The following THADA variants were observed in gnomAD, a reference collection of about 807,000 sequenced individuals.
THADA encodes THADA armadillo repeat containing.
Under a neutral mutation model 219.8 loss-of-function variants are expected in THADA, and 213 were observed. The ratio of observed to expected loss-of-function variants is 0.97; its 90% CI spans 0.87 to 1.09. The LOEUF (loss-of-function observed/expected upper bound fraction) is 1.09. Among genes scored for constraint, THADA ranks in the 50% least tolerant of loss-of-function variants. THADA has a pLI of 0.00. For synonymous variants in THADA, 1,018 were observed against 828.9 expected (o/e 1.23, Z -3.92); for missense variants, 2,956 against 2,311.3 (o/e 1.28, Z -5.72).
intron 21 of THADA, among the ~76,000 whole-genome samples, chr2:43,532,231 G>A (rs1693972781): frequency 6.6e-6 from 1 of 151,830 alleles, no homozygotes; most frequent in South Asian, 2.1e-4. Context: ...GGACAACACA[G>A]TAAAACCCCC....
chr2:43,278,091 C>T (rs145471010), intron 36 of THADA, among the ~76,000 whole-genome samples: 2,162 of 151,814 alleles, frequency 0.014, 19 homozygotes, highest in Non-Finnish European at 0.023. Flanking sequence ...GCTGGGATTA[C>T]GGGTGCCCGC....
intron 26 of THADA, among the ~76,000 whole-genome samples, chr2:43,450,767 A>C (rs1682212422): frequency 6.6e-6 from 1 of 152,230 alleles, no homozygotes; most frequent in Non-Finnish European, 1.5e-5. Flanking sequence ...CAAATAGATT[A>C]AAAGTAAAAT....
chr2:43,245,769 C>G (rs11690590), intron 36 of THADA, among the ~76,000 whole-genome samples: 10,731 of 152,250 alleles, frequency 0.07, 463 homozygotes, highest in South Asian at 0.19. Context: ...GACTGCTTGG[C>G]TCCCAAAACA....
chr2:43,371,820 C>A (rs779446126), intron 29 of THADA: 1 of 151,910 alleles, frequency 6.6e-6, no homozygotes, highest in African/African-American at 2.4e-5. Flanking sequence ...TTAGAGGGTC[C>A]GCTATTTCCC....
chr2:43,427,503 T>TTGTGTGTGTGTGTGTGTGTG (rs70963397), intron 28 of THADA, among the ~76,000 whole-genome samples: 138 of 140,626 alleles, frequency 9.8e-4, no homozygotes, highest in South Asian at 1.7e-3. Context: ...CTCCCAAAGT[T>TTGTGTGTGTGTGTGTGTGTG]TGTGTGTGTG....
At chr2:43,584,037 T>TAAAAAAAAAAAAAAAAAAA (rs536050936) in intron 7 of THADA, among the ~76,000 whole-genome samples, 11 of 65,586 alleles carry the variant, frequency 1.7e-4, no homozygotes, top group East Asian at 4.0e-4. Flanking sequence ...TTGTCTCAAT[T>TAAAAAAAAAAAAAAAAAAA]AAAAAAAAAA....
At chr2:43,358,561 A>G (rs1482571337) in intron 29 of THADA, among the ~76,000 whole-genome samples, 1 of 152,232 alleles carries the variant, frequency 6.6e-6, no homozygotes, top group East Asian at 1.9e-4. Context: ...AAAGAAATGT[A>G]AAGTTATATT....
At chr2:43,542,637 T>C (rs963981991) in intron 20 of THADA, among the ~76,000 whole-genome samples, 1 of 152,200 alleles carries the variant, frequency 6.6e-6, no homozygotes, top group Non-Finnish European at 1.5e-5. Flanking sequence ...CTAATAAGGT[T>C]TGTTTCCTTT....
At chr2:43,247,075 G>A (rs758508969) in intron 36 of THADA, among the ~76,000 whole-genome samples, 1 of 152,200 alleles carries the variant, frequency 6.6e-6, no homozygotes, top group Admixed American at 6.5e-5. Context: ...GAGCATTTGA[G>A]TCTTAAGGGT....
intron 26 of THADA, among the ~76,000 whole-genome samples, chr2:43,477,735 A>T (rs1408832495): frequency 3.3e-5 from 5 of 152,252 alleles, no homozygotes; most frequent in Admixed American, 3.3e-4. Context: ...ATAGTCTCAG[A>T]ACCTACTACA....
chr2:43,312,857 G>C (rs188626926), intron 31 of THADA, among the ~76,000 whole-genome samples: 29 of 151,730 alleles, frequency 1.9e-4, no homozygotes, highest in Non-Finnish European at 3.5e-4. Context: ...CACCAACTGT[G>C]TCATATTAAA....
chr2:43,248,044 A>G (rs374871617), intron 36 of THADA, among the ~76,000 whole-genome samples: 1 of 147,788 alleles, frequency 6.8e-6, no homozygotes, highest in South Asian at 2.1e-4. Context: ...CCCTATCTTA[A>G]AGCAAAACAA....
At chr2:43,306,920 T>A (rs939753918) in intron 31 of THADA, among the ~76,000 whole-genome samples, 1 of 152,196 alleles carries the variant, frequency 6.6e-6, no homozygotes, top group Non-Finnish European at 1.5e-5. Flanking sequence ...CTTTTTCTTG[T>A]AATGTGACTA....
intron 21 of THADA, among the ~76,000 whole-genome samples, chr2:43,530,950 G>A (rs534520610): frequency 1.4e-4 from 21 of 152,188 alleles, no homozygotes; most frequent in South Asian, 2.1e-4. Flanking sequence ...AATAATTTCC[G>A]AATAAACCCA....
intron 22 of THADA, among the ~76,000 whole-genome samples, chr2:43,522,715 G>A (rs947041089): frequency 6.6e-6 from 1 of 152,208 alleles, no homozygotes; most frequent in Admixed American, 6.5e-5. Flanking sequence ...TATTACAGTA[G>A]GCTTAAAAAT....
In THADA at chr2:43,541,165, C is replaced by T; in HGVS notation, c.3258G>A (p.Val1086=). The change falls in exon 21 of 38, where the codon GTG becomes GTA. Residue 1086 remains valine, a synonymous_variant. Coordinates refer to ENST00000405975, the MANE Select transcript of THADA (RefSeq NM_022065.5). ...VPESSDGLLT[V]EQVKEIGDYF... The stretch of plus-strand genomic sequence containing the variant: ...GAATAAACATGTGCCTTACCTGCTC[C>T]ACCGTCAATAATCCATCAGAAGATT... 1.3e-6 allele frequency: 2 copies of T among 1,568,636 alleles called. No homozygotes were observed.
intron 34 of THADA, among the ~76,000 whole-genome samples, chr2:43,288,046 C>T (rs1435667219): frequency 2.0e-5 from 3 of 152,234 alleles, no homozygotes; most frequent in Non-Finnish European, 2.9e-5. Context: ...GGTGACTCAA[C>T]ACTGTCAAGA....
At chr2:43,297,949 T>G (rs1187847031) in intron 31 of THADA, among the ~76,000 whole-genome samples, 6 of 68,710 alleles carry the variant, frequency 8.7e-5, no homozygotes, top group African/African-American at 9.6e-5. Context: ...GGGAGGGAGG[T>G]GGGGGGGTCA....
intron 29 of THADA, among the ~76,000 whole-genome samples, chr2:43,378,807 T>C (rs796700061): frequency 6.6e-6 from 1 of 152,162 alleles, no homozygotes; most frequent in African/African-American, 2.4e-5. Context: ...GGTTTCTCTA[T>C]GTTGGCCAGG....
Sources: allele counts gnomAD v4.1 joint callset (sites outside exome capture counted in the v4.1 genomes callset), GRCh38; gene constraint gnomAD v4.1.1; transcripts MANE v1.5; gene names NCBI Gene and HGNC (gene_info 2026-07-23, HGNC 2026-07-21).